Variants in SLC13A2 observed in about 807,000 individuals in gnomAD.
SLC13A2 encodes solute carrier family 13 member 2, also known as Na(+)-coupled citrate transporter.
Under a neutral mutation model 58.5 loss-of-function variants are expected in SLC13A2, and 40 were observed. The observed-to-expected ratio is 0.68, with a 90% CI of 0.53 to 0.89. SLC13A2 has a LOEUF of 0.89. SLC13A2 is among the 40% of genes least tolerant of loss of function. The pLI, the probability that SLC13A2 is intolerant of heterozygous loss-of-function variation, is 0.00. For synonymous variants in SLC13A2, 341 were observed against 331.6 expected (o/e 1.03, Z -0.31); for missense variants, 694 against 772.6 (o/e 0.90, Z 1.21).
rs1597892420 is a variant in SLC13A2 at position 28,494,168 on chromosome 17, G to A, written c.1186+63G>A. ...CAGCCCCTGCCTTCAAGTATGTAAT[G>A]TACCTTCCACCACACTTGGCAGGAG... is the stretch of plus-strand genomic sequence containing the variant. On this transcript the variant is annotated intron_variant, in intron 8 of 11. Transcript: ENST00000314669. The surrounding 1 kb of genome is among the most constrained non-coding windows in gnomAD (Gnocchi z 4.0). 35 of 1,529,830 alleles carry A rather than the reference G, an allele frequency of 2.3e-5. No individual in the cohort carries two copies. In the South Asian group the frequency reaches 2.6e-4, roughly 11 times the overall value. 94.8% of individuals were successfully genotyped at this position (1,529,830 alleles called of 1,614,324 possible).
In SLC13A2 at chr17:28,497,769, C is replaced by A. The variant is rs547807689; in HGVS notation, c.*500C>A. On this transcript the variant is annotated 3_prime_UTR_variant, in exon 12 of 12. Transcript: ENST00000314669. ...TGGGCTGTTAAAGTCACATTAAAGT[C>A]TTTTTCAGTAAAGTCTGGGATGGTT... 1 of 154,722 alleles carries A rather than the reference C, an allele frequency of 6.5e-6. No homozygotes were observed. Among genetic ancestry groups the A allele is most frequent in the Admixed American group, 6.4e-5 (1 of 15,734 alleles). The allele number at this position is 154,722 out of a possible 1,614,324, so 9.6% of individuals were successfully genotyped here.
intron 6 of SLC13A2, 146 bp from the exon 7 acceptor site, chr17:28,493,425 C>A (rs2069067070): frequency 3.1e-6 from 2 of 636,350 alleles, no homozygotes; most frequent in Non-Finnish European, 2.6e-6. Flanking sequence ...GCTCCTCCTC[C>A]AGAACCTCAG....
Position 28,490,911 on chromosome 17 carries a change from GA to G in SLC13A2, c.574+10del. On this transcript the variant is annotated splice_donor_region_variant and intron_variant, in intron 4 of 11. Transcript: ENST00000314669. Reference sequence around the variant, plus strand: ...AGAAGGAGGTGACCAAGCTTGGTGAGAAAAATGAGGCTAGACTCTGCCCCAA... The same window carrying G: ...AGAAGGAGGTGACCAAGCTTGGTGAGAAAATGAGGCTAGACTCTGCCCCAA... The G allele has an allele frequency of 6.2e-7, 1 of 1,610,214 alleles. No homozygotes were observed. The highest frequency in any genetic ancestry group is 8.5e-7 in the Non-Finnish European group (1 of 1,178,234).
intron 1 of SLC13A2, among the ~76,000 whole-genome samples, chr17:28,475,799 C>G (rs1281616178): frequency 1.3e-5 from 2 of 152,146 alleles, no homozygotes; most frequent in Non-Finnish European, 2.9e-5. Flanking sequence ...CCCTTCCCAC[C>G]TTTCCTGACT....
intron 1 of SLC13A2, among the ~76,000 whole-genome samples, chr17:28,477,474 G>C (rs60274997): frequency 1.3e-5 from 2 of 151,864 alleles, no homozygotes; most frequent in East Asian, 4.0e-4. Flanking sequence ...GATTACAGGC[G>C]TGAGCCACCA....
In SLC13A2 at chr17:28,494,378, G is replaced by A. The variant is rs200622063; in HGVS notation, c.1187-13G>A. On this transcript the variant is annotated splice_polypyrimidine_tract_variant and intron_variant, in intron 8 of 11. Transcript: ENST00000314669. The surrounding 1 kb of genome is among the most constrained non-coding windows in gnomAD (Gnocchi z 4.0). ...GTTCTTTGGTGACCCATCCTTCTCT[G>A]CTTGGGAAGTAGAAAACCCAGGGAA... The A allele has an allele frequency of 6.2e-7, 1 of 1,614,176 alleles. No homozygotes were observed. Among genetic ancestry groups the A allele is most frequent in the African/African-American group, 1.3e-5 (1 of 75,058 alleles).
intron 1 of SLC13A2, among the ~76,000 whole-genome samples, chr17:28,482,253 A>G (rs1438875781): frequency 6.7e-6 from 1 of 150,136 alleles, no homozygotes; most frequent in Non-Finnish European, 1.5e-5. Context: ...GTGTTTCGCC[A>G]TGTTGCCCAG....
chr17:28,488,972 G>A (rs9914826), intron 1 of SLC13A2, among the ~76,000 whole-genome samples: 4,421 of 152,272 alleles, frequency 0.029, 230 homozygotes, highest in African/African-American at 0.1. Context: ...CAGACTCTCC[G>A]AAGTGGCTGG....
chr17:28,476,768 G>T (rs2068678645), intron 1 of SLC13A2, among the ~76,000 whole-genome samples: 1 of 152,116 alleles, frequency 6.6e-6, no homozygotes, highest in Admixed American at 6.6e-5. Context: ...CTTCCTCTCT[G>T]GCTTCCTGCA....
intron 6 of SLC13A2, among the ~76,000 whole-genome samples, chr17:28,493,193 G>C (rs9896993): frequency 0.053 from 8,036 of 152,236 alleles, 693 homozygotes; most frequent in African/African-American, 0.18. Context: ...CAGGGGATAA[G>C]CAGAGAAGGC....
At chr17:28,482,340 C>T (rs1597874422) in intron 1 of SLC13A2, among the ~76,000 whole-genome samples, 1 of 152,184 alleles carries the variant, frequency 6.6e-6, no homozygotes, top group East Asian at 1.9e-4. Flanking sequence ...GTGTGAGCCA[C>T]CGCACCCAGC....
At chr17:28,477,206 T>A (rs2151442496) in intron 1 of SLC13A2, among the ~76,000 whole-genome samples, 1 of 145,740 alleles carries the variant, frequency 6.9e-6, no homozygotes, top group South Asian at 2.2e-4. Flanking sequence ...TTTTTTTTTT[T>A]TTTTTGAGAC....
chr17:28,494,290 G>T lies in SLC13A2; in HGVS notation c.1187-101G>T. The T allele has an allele frequency of 1.3e-6, 2 of 1,598,600 alleles. No individual in the cohort carries two copies. The highest frequency in any genetic ancestry group is 1.7e-6 in the Non-Finnish European group (2 of 1,166,884). On this transcript the variant is annotated intron_variant, in intron 8 of 11. Transcript: ENST00000314669. This position sits in a 1 kb window ranked among gnomAD's most constrained non-coding sequence, Gnocchi z 4.0. Reference sequence around the variant, plus strand: ...CAGAACTGAGGGTCCCCTCCTGCACGCGTTAAGCTCCAAAAGGGACCCACA... The same window carrying T: ...CAGAACTGAGGGTCCCCTCCTGCACTCGTTAAGCTCCAAAAGGGACCCACA...
At chr17:28,486,817 A>G (rs1460525700) in intron 1 of SLC13A2, among the ~76,000 whole-genome samples, 2 of 148,166 alleles carry the variant, frequency 1.3e-5, no homozygotes, top group Admixed American at 1.3e-4. Flanking sequence ...TTTTTGATAC[A>G]AGGTCTCACT....
intron 1 of SLC13A2, among the ~76,000 whole-genome samples, chr17:28,489,005 G>C (rs2108976): frequency 0.045 from 6,858 of 152,314 alleles, 207 homozygotes; most frequent in South Asian, 0.18. Flanking sequence ...GGGCTCCCCA[G>C]GGTCAAAGAC....
intron 1 of SLC13A2, among the ~76,000 whole-genome samples, chr17:28,477,196 T>G (rs1393348406): frequency 3.5e-5 from 5 of 143,046 alleles, no homozygotes; most frequent in African/African-American, 1.0e-4. Flanking sequence ...GTTTTTTGTT[T>G]TTTTTTTTTT....
At chr17:28,479,204 C>T (rs527894306) in intron 1 of SLC13A2, among the ~76,000 whole-genome samples, 13 of 152,298 alleles carry the variant, frequency 8.5e-5, no homozygotes, top group African/African-American at 2.9e-4. Flanking sequence ...CAGAGCAAGA[C>T]TCCTATCTCA....
intron 2 of SLC13A2, among the ~76,000 whole-genome samples, chr17:28,489,902 T>A (rs1401107151): frequency 2.6e-5 from 4 of 152,228 alleles, no homozygotes; most frequent in African/African-American, 9.6e-5. Context: ...TCACGGTAGA[T>A]TATCTCCCAA....
At position 28,496,409 on chromosome 17, in the gene SLC13A2, G is replaced by A; in HGVS notation, c.1471-41G>A. ...GGGGCCATGCCCCTCCCTCTGGCTT[G>A]GGGACCAAGTTCAGCTCTGCGCCAC... is the stretch of plus-strand genomic sequence containing the variant. On this transcript the variant is annotated intron_variant, in intron 10 of 11. Transcript: ENST00000314669. The surrounding 1 kb of genome is among the most constrained non-coding windows in gnomAD (Gnocchi z 4.2). 1 of 1,558,070 alleles carries A rather than the reference G, an allele frequency of 6.4e-7. No individual in the cohort carries two copies. Among genetic ancestry groups the A allele is most frequent in the Non-Finnish European group, 8.7e-7 (1 of 1,147,764 alleles).
Sources: allele counts gnomAD v4.1 joint callset (sites outside exome capture counted in the v4.1 genomes callset), GRCh38; gene constraint gnomAD v4.1.1; non-coding constraint Gnocchi (gnomAD v3.1); transcripts MANE v1.5; gene names NCBI Gene and HGNC (gene_info 2026-07-23, HGNC 2026-07-21).